TRAPPC9: variants seen among roughly 807,000 people sequenced by gnomAD.
The protein encoded by TRAPPC9 is trafficking protein particle complex subunit 9, also known as IKK2 binding protein.
A neutral mutation model predicts 124.0 loss-of-function variants in TRAPPC9; 83 were observed. The ratio of observed to expected loss-of-function variants is 0.67; its 90% CI spans 0.56 to 0.80. The LOEUF is 0.80. TRAPPC9 is among the 30% of genes least tolerant of loss of function. The pLI is 0.00. For synonymous variants in TRAPPC9, 638 were observed against 617.5 expected (o/e 1.03, Z -0.49); for missense variants, 1,302 against 1,508.3 (o/e 0.86, Z 2.27).
At chr8:139,974,809 C>A (rs989625355) in intron 19 of TRAPPC9, among the ~76,000 whole-genome samples, 1 of 152,076 alleles carries the variant, frequency 6.6e-6, no homozygotes, top group African/African-American at 2.4e-5. Flanking sequence ...CATGTGGAGG[C>A]TGGGCCCAGG....
chr8:140,025,508 T>C (rs182257347), intron 17 of TRAPPC9, among the ~76,000 whole-genome samples: 74 of 146,436 alleles, frequency 5.1e-4, no homozygotes, highest in Admixed American at 1.7e-3. Flanking sequence ...CAAATCTTCA[T>C]GACCTTGGAT....
chr8:140,308,251 C>T, intron 10 of TRAPPC9, among the ~76,000 whole-genome samples: 1 of 151,732 alleles, frequency 6.6e-6, no homozygotes, highest in South Asian at 2.1e-4. Context: ...AAGCTGGAGA[C>T]AGGGCAGGCC....
chr8:139,861,216 C>A (rs1214243851), intron 21 of TRAPPC9, among the ~76,000 whole-genome samples: 2 of 152,246 alleles, frequency 1.3e-5, no homozygotes, highest in African/African-American at 4.8e-5. Flanking sequence ...TGAGAGCACA[C>A]CTGGACAGGG....
intron 17 of TRAPPC9, among the ~76,000 whole-genome samples, chr8:140,151,311 C>G (rs2061539840): frequency 6.6e-6 from 1 of 152,176 alleles, no homozygotes; most frequent in Admixed American, 6.5e-5. Context: ...TGACTCTGAC[C>G]CTGCTGAGCT....
chr8:140,153,635 C>G (rs1221314872), intron 17 of TRAPPC9, among the ~76,000 whole-genome samples: 1 of 152,176 alleles, frequency 6.6e-6, no homozygotes, highest in Non-Finnish European at 1.5e-5. Flanking sequence ...TAGTATATTA[C>G]ATATGGCATT....
chr8:139,984,614 G>A lies in TRAPPC9; in HGVS notation c.2810+4112C>T, dbSNP rs928273702. The stretch of plus-strand genomic sequence containing the variant: ...GGTCTGTAAGGTGCTGTCCGGCGTT[G>A]CGAAGTAAGGTAGAGCCATTTCCAC... On this transcript the variant is annotated intron_variant, in intron 19 of 22. Transcript: ENST00000438773. This position sits in a 1 kb window ranked among gnomAD's most constrained non-coding sequence, Gnocchi z 4.3. Among the ~76,000 whole-genome samples, 153 of 152,276 alleles carry A rather than the reference G, an allele frequency of 1.0e-3. No homozygotes were observed. Among genetic ancestry groups the A allele is most frequent in the African/African-American group, 3.5e-3 (146 of 41,552 alleles).
At chr8:139,775,922 G>A (rs1004129374) in intron 21 of TRAPPC9, among the ~76,000 whole-genome samples, 2 of 152,162 alleles carry the variant, frequency 1.3e-5, no homozygotes, top group Admixed American at 6.5e-5. Context: ...CTCCGCCTTC[G>A]GGCACACCCA....
At chr8:140,311,122 A>T in intron 10 of TRAPPC9, 126 bp downstream of exon 10, 3 of 1,140,334 alleles carry the variant, frequency 2.6e-6, no homozygotes, top group Non-Finnish European at 2.5e-6. Context: ...AAGTTTAATG[A>T]GATAATGAAC....
At chr8:140,298,300 G>A (rs991283766) in intron 11 of TRAPPC9, among the ~76,000 whole-genome samples, 4 of 152,162 alleles carry the variant, frequency 2.6e-5, no homozygotes, top group Non-Finnish European at 4.4e-5. Context: ...AGTTTATTAT[G>A]AGACCCTTAC....
At chr8:140,017,794 C>T (rs182808850) in intron 18 of TRAPPC9, among the ~76,000 whole-genome samples, 77 of 152,234 alleles carry the variant, frequency 5.1e-4, no homozygotes, top group Middle Eastern at 3.4e-3. Context: ...ACAATCAGTT[C>T]GGGGAAAACC....
At chr8:139,938,715 G>A (rs1227402444) in intron 19 of TRAPPC9, among the ~76,000 whole-genome samples, 5 of 149,182 alleles carry the variant, frequency 3.4e-5, no homozygotes, top group Admixed American at 6.7e-5. Flanking sequence ...GCGCAATCTC[G>A]GCTCACTGCA....
At chr8:140,351,864 G>C (rs1178976023) in intron 9 of TRAPPC9, among the ~76,000 whole-genome samples, 2 of 152,102 alleles carry the variant, frequency 1.3e-5, no homozygotes, top group African/African-American at 2.4e-5. Flanking sequence ...AAAAACTTTT[G>C]TAACAGCTTT....
chr8:140,381,508 G>A (rs1476460586), intron 7 of TRAPPC9, among the ~76,000 whole-genome samples: 1 of 151,308 alleles, frequency 6.6e-6, no homozygotes, highest in Non-Finnish European at 1.5e-5. Flanking sequence ...TCTATTAAAA[G>A]TGCAAAAAAA....
chr8:140,183,867 AG>A (rs2062266949), intron 17 of TRAPPC9, among the ~76,000 whole-genome samples: 1 of 20,004 alleles, frequency 5.0e-5, no homozygotes. Context: ...AAAAAAAAGA[AG>A]AAGAAGAAGA....
intron 19 of TRAPPC9, among the ~76,000 whole-genome samples, chr8:139,968,092 T>A (rs1835824492): frequency 6.6e-6 from 1 of 151,040 alleles, no homozygotes; most frequent in African/African-American, 2.4e-5. Flanking sequence ...GAGACTGCAG[T>A]GAGCCAAGAT....
chr8:139,985,369 A>G (rs530305348), intron 19 of TRAPPC9, among the ~76,000 whole-genome samples: 2 of 152,308 alleles, frequency 1.3e-5, no homozygotes, highest in Non-Finnish European at 2.9e-5. Context: ...TTTAGATAAG[A>G]AAGAGCAGTC....
At position 140,262,388 on chromosome 8, in the gene TRAPPC9, G is replaced by T. The variant is rs1395653921; in HGVS notation, c.2279-9459C>A. 4.5e-3 allele frequency among the ~76,000 whole-genome samples: 684 copies of T among 152,178 alleles called. 5 individuals carry two copies. The highest frequency in any genetic ancestry group is 0.016 in the African/African-American group (647 of 41,514). ...TGCTCCCGAGGCGTTGAACATGACA[G>T]GTCTCACAGAACTGATTAAAAGGCA... On this transcript the variant is annotated intron_variant, in intron 15 of 22. Transcript: ENST00000438773.
rs139820149 is a variant in TRAPPC9, at chr8:140,091,396, A to G, written c.2557-67317T>C. 4.9e-4 allele frequency among the ~76,000 whole-genome samples: 74 copies of G among 152,332 alleles called. No individual in the cohort carries two copies. In the East Asian group the frequency reaches 0.011, roughly 23 times the overall value. On this transcript the variant is annotated intron_variant, in intron 17 of 22. Transcript: ENST00000438773. ...AAGATGGATGGGCGAGGCTGAGTTA[A>G]TAGGAGGGGTCTCCGTTTCATGCTC...
intron 9 of TRAPPC9, among the ~76,000 whole-genome samples, chr8:140,335,365 C>G (rs2067007646): frequency 6.6e-6 from 1 of 152,126 alleles, no homozygotes; most frequent in Admixed American, 6.5e-5. Context: ...ATGAGAGAAA[C>G]TCAGGCATTA....
Sources: allele counts gnomAD v4.1 joint callset (sites outside exome capture counted in the v4.1 genomes callset), GRCh38; gene constraint gnomAD v4.1.1; non-coding constraint Gnocchi (gnomAD v3.1); transcripts MANE v1.5; gene names NCBI Gene and HGNC (gene_info 2026-07-23, HGNC 2026-07-21).